The following ARMC9 variants were observed in gnomAD, a reference collection of about 807,000 sequenced individuals.
The protein encoded by ARMC9 is armadillo repeat containing 9.
Under a neutral mutation model 107.0 loss-of-function variants are expected in ARMC9, and 94 were observed. The ratio of observed to expected loss-of-function variants is 0.88; its 90% CI spans 0.74 to 1.04. The LOEUF is 1.04. ARMC9 is among the 50% of genes least tolerant of loss of function. The pLI is 0.00. For missense variants in ARMC9, 942 were observed against 1,030.1 expected, an observed-to-expected ratio of 0.91 and a Z score of 1.17; for synonymous variants, 380 against 396.9, an observed-to-expected ratio of 0.96 and a Z score of 0.51.
At chr2:231,214,725 A>T in intron 3 of ARMC9, 106 bp from the exon 4 acceptor site, 1 of 1,169,548 alleles carries the variant, frequency 8.6e-7, no homozygotes, top group Non-Finnish European at 1.2e-6. Context: ...TCTATCCTTT[A>T]CCACTGAAAA....
intron 9 of ARMC9, among the ~76,000 whole-genome samples, chr2:231,246,508 A>G (rs1422652982): frequency 6.6e-6 from 1 of 152,192 alleles, no homozygotes; most frequent in Non-Finnish European, 1.5e-5. Flanking sequence ...CTCCAGCTGC[A>G]TCCATGTTGC....
In ARMC9 at chr2:231,297,265, A is replaced by G. The variant is rs1026138773; in HGVS notation, c.1773+1012A>G. Among the ~76,000 whole-genome samples the G allele has an allele frequency of 6.6e-6, 1 of 152,188 alleles. No homozygotes were observed. Among genetic ancestry groups the G allele is most frequent in the African/African-American group, 2.4e-5 (1 of 41,438 alleles). On this transcript the variant is annotated intron_variant, in intron 19 of 24. Coordinates refer to ENST00000611582, the MANE Select transcript of ARMC9 (RefSeq NM_001352754.2). This position sits in a 1 kb window ranked among gnomAD's most constrained non-coding sequence, Gnocchi z 4.2. ...GCTGGCTCTTCCTGCCTTGTCCAGC[A>G]GTGCAGAGCTTGACCTCCAGATAGG... is the stretch of plus-strand genomic sequence containing the variant.
chr2:231,323,309 A>G (rs2043105915), intron 19 of ARMC9, among the ~76,000 whole-genome samples: 1 of 152,174 alleles, frequency 6.6e-6, no homozygotes, highest in South Asian at 2.1e-4. Context: ...CCCATTATTA[A>G]AAGTCCAGAT....
chr2:231,353,980 T>TATATACAC (rs1395992147), intron 21 of ARMC9, among the ~76,000 whole-genome samples: 34 of 135,292 alleles, frequency 2.5e-4, no homozygotes, highest in Non-Finnish European at 3.2e-4. Context: ...TATGTATATA[T>TATATACAC]ACACACACAC....
Position 231,215,020 on chromosome 2 carries a change from G to A in ARMC9, c.348+19G>A, listed in dbSNP as rs1194655136. On this transcript the variant is annotated intron_variant, in intron 4 of 24. Coordinates refer to ENST00000611582, the MANE Select transcript of ARMC9 (RefSeq NM_001352754.2). ...GAGACCGGTGGGTTTACCTGGTGAT[G>A]CGGGTGGGTCTGAGTGGTGTGTTAA... is the stretch of plus-strand genomic sequence containing the variant. The A allele has an allele frequency of 6.2e-7, 1 of 1,613,060 alleles. No individual in the cohort carries two copies. The highest frequency in any genetic ancestry group is 8.5e-7 in the Non-Finnish European group (1 of 1,179,214).
chr2:231,208,908 CT>C (rs199667707), intron 3 of ARMC9, among the ~76,000 whole-genome samples: 53 of 151,166 alleles, frequency 3.5e-4, no homozygotes, highest in African/African-American at 1.2e-3. Flanking sequence ...GTTTCTTTTT[CT>C]TTTTTTTTGA....
At chr2:231,285,967 A>G (rs1219874717) in intron 17 of ARMC9, among the ~76,000 whole-genome samples, 1 of 152,024 alleles carries the variant, frequency 6.6e-6, no homozygotes, top group Non-Finnish European at 1.5e-5. Context: ...ACCCTAGCTG[A>G]AAGGGAGGCT....
intron 5 of ARMC9, among the ~76,000 whole-genome samples, chr2:231,219,636 G>C (rs942714773): frequency 6.6e-6 from 1 of 151,938 alleles, no homozygotes; most frequent in Non-Finnish European, 1.5e-5. Context: ...GAGATTTGTT[G>C]GGTTTCCTGG....
In ARMC9 at chr2:231,293,237, T is replaced by C. The variant is rs116526694; in HGVS notation, c.1717+1794T>C. 2.5e-3 allele frequency among the ~76,000 whole-genome samples: 376 copies of C among 152,312 alleles called. 2 individuals are homozygous for C. Among genetic ancestry groups the C allele is most frequent in the African/African-American group, 8.8e-3 (364 of 41,560 alleles). ...CTTCATTTCTGACTCTCAGCCCTCA[T>C]TCTGGCATATTGAAAAAAATAAAAA... On this transcript the variant is annotated intron_variant, in intron 18 of 24. Coordinates refer to ENST00000611582, the MANE Select transcript of ARMC9 (RefSeq NM_001352754.2).
At chr2:231,237,179 T>C (rs956126048) in intron 8 of ARMC9, among the ~76,000 whole-genome samples, 2 of 144,252 alleles carry the variant, frequency 1.4e-5, no homozygotes, top group African/African-American at 5.1e-5. Context: ...CGTATGCGTG[T>C]GTGTGTGTGT....
intron 19 of ARMC9, among the ~76,000 whole-genome samples, chr2:231,308,791 T>C (rs1464066819): frequency 6.6e-6 from 1 of 152,224 alleles, no homozygotes; most frequent in Non-Finnish European, 1.5e-5. Flanking sequence ...GCCACCTTCA[T>C]ACGTGACCTG....
At chr2:231,324,989 C>T (rs2043232213) in intron 19 of ARMC9, among the ~76,000 whole-genome samples, 3 of 152,058 alleles carry the variant, frequency 2.0e-5, no homozygotes, top group Admixed American at 1.3e-4. Context: ...TTTGAGAGTC[C>T]GAGAGGGGTG....
At chr2:231,368,649 G>A (rs1246938347) in intron 23 of ARMC9, among the ~76,000 whole-genome samples, 2 of 152,166 alleles carry the variant, frequency 1.3e-5, no homozygotes, top group South Asian at 2.1e-4. Context: ...TTTTGAGACA[G>A]GGTCACACTT....
chr2:231,296,488 G>A (rs2041377224), intron 19 of ARMC9, among the ~76,000 whole-genome samples: 1 of 152,234 alleles, frequency 6.6e-6, no homozygotes, highest in Admixed American at 6.5e-5. Context: ...GTTCACAGCA[G>A]AGACGCAGCA....
intron 19 of ARMC9, among the ~76,000 whole-genome samples, chr2:231,309,402 A>G (rs949112732): frequency 6.6e-6 from 1 of 152,182 alleles, no homozygotes; most frequent in African/African-American, 2.4e-5. Context: ...GTTATCACGG[A>G]ATTTGGGAAT....
chr2:231,261,886 G>A (rs979503207), intron 11 of ARMC9, among the ~76,000 whole-genome samples: 17 of 151,510 alleles, frequency 1.1e-4, no homozygotes, highest in African/African-American at 2.7e-4. Flanking sequence ...GCAGTGGCGC[G>A]ATCTCGGCTC....
intron 9 of ARMC9, among the ~76,000 whole-genome samples, chr2:231,251,066 G>A (rs553988173): frequency 1.3e-5 from 2 of 152,306 alleles, no homozygotes; most frequent in South Asian, 4.1e-4. Context: ...CTGGCATGGG[G>A]ATTGGAGAGA....
chr2:231,346,954 A>G (rs187316005), intron 21 of ARMC9, among the ~76,000 whole-genome samples: 40 of 152,336 alleles, frequency 2.6e-4, no homozygotes, highest in African/African-American at 9.4e-4. Flanking sequence ...GTATTTTTCA[A>G]TTATTTTTTA....
At chr2:231,230,133 G>A (rs1559321028) in intron 7 of ARMC9, among the ~76,000 whole-genome samples, 1 of 152,134 alleles carries the variant, frequency 6.6e-6, no homozygotes, top group Non-Finnish European at 1.5e-5. Context: ...AGGCTGAAGT[G>A]GGAGGATAGC....
Sources: allele counts gnomAD v4.1 joint callset (sites outside exome capture counted in the v4.1 genomes callset), GRCh38; gene constraint gnomAD v4.1.1; non-coding constraint Gnocchi (gnomAD v3.1); transcripts MANE v1.5; gene names NCBI Gene and HGNC (gene_info 2026-07-23, HGNC 2026-07-21).